SNX8: variants seen among roughly 807,000 people sequenced by gnomAD.
SNX8 encodes sorting nexin 8.
SNX8 carries 25 observed loss-of-function variants against 51.6 expected under a neutral mutation model. The ratio of observed to expected loss-of-function variants is 0.48; its 90% CI spans 0.35 to 0.68. SNX8 has a LOEUF of 0.68. SNX8 is among the 30% of genes least tolerant of loss of function. The pLI is 0.00. For missense variants in SNX8, 695 were observed against 624.0 expected (o/e 1.11, Z -1.21); for synonymous variants, 324 against 277.0 (o/e 1.17, Z -1.68).
At chr7:2,346,985 T>G (rs1319791668) in intron 1 of SNX8, among the ~76,000 whole-genome samples, 2 of 150,458 alleles carry the variant, frequency 1.3e-5, no homozygotes, top group Non-Finnish European at 3.0e-5. Context: ...TTCCTGTCCA[T>G]GCCTCACTCC....
At chr7:2,262,748 C>T (rs1256666000) in intron 7 of SNX8, among the ~76,000 whole-genome samples, 1 of 152,250 alleles carries the variant, frequency 6.6e-6, no homozygotes, top group Non-Finnish European at 1.5e-5. Flanking sequence ...AGCGTAAACG[C>T]TCCCAGGGAG....
rs144138619 is a variant in SNX8, at chr7:2,279,444, G to A, written c.95-1139C>T. On this transcript the variant is annotated intron_variant, in intron 1 of 10. Transcript: ENST00000222990. Reference sequence around the variant, plus strand: ...GCTACAGAGTCGACGCTGCGGGCACGTCCTTTTGTTCAAAAAAATCATGGT... The same window carrying A: ...GCTACAGAGTCGACGCTGCGGGCACATCCTTTTGTTCAAAAAAATCATGGT... Among the ~76,000 whole-genome samples the A allele has an allele frequency of 2.0e-4, 30 of 152,160 alleles. No homozygotes were observed. The East Asian group carries it at 4.8e-3, about 24-fold the overall frequency.
chr7:2,258,658 G>C (rs1795257681), intron 7 of SNX8, among the ~76,000 whole-genome samples: 1 of 152,210 alleles, frequency 6.6e-6, no homozygotes, highest in Non-Finnish European at 1.5e-5. Flanking sequence ...GCGCAGGGTA[G>C]GTAGGAGAGA....
chr7:2,304,530 C>G (rs1163289634), intron 1 of SNX8, among the ~76,000 whole-genome samples: 3 of 151,154 alleles, frequency 2.0e-5, no homozygotes, highest in Admixed American at 2.0e-4. Context: ...GGCGACAGAG[C>G]GAGACTCCAT....
chr7:2,303,378 G>A (rs1158216272), intron 1 of SNX8, among the ~76,000 whole-genome samples: 1 of 151,674 alleles, frequency 6.6e-6, no homozygotes, highest in Non-Finnish European at 1.5e-5. Flanking sequence ...TGGGAGGTGA[G>A]GGGCGCCTCT....
At chr7:2,300,508 G>T (rs1040728725) in intron 1 of SNX8, among the ~76,000 whole-genome samples, 1 of 152,072 alleles carries the variant, frequency 6.6e-6, no homozygotes, top group Non-Finnish European at 1.5e-5. Context: ...AGTCTCTTGG[G>T]CTCAAGCGAT....
chr7:2,268,473 G>T (rs1795544241), intron 5 of SNX8, among the ~76,000 whole-genome samples: 1 of 139,860 alleles, frequency 7.2e-6, no homozygotes, highest in African/African-American at 2.7e-5. Flanking sequence ...CCCCCGCCCG[G>T]CCAGCCGCCC....
At chr7:2,339,403 G>A (rs1354488995) in intron 1 of SNX8, among the ~76,000 whole-genome samples, 2 of 151,068 alleles carry the variant, frequency 1.3e-5, no homozygotes, top group African/African-American at 4.9e-5. Flanking sequence ...TAGAGATGGG[G>A]TTTCACCATG....
chr7:2,257,090 C>T, intron 9 of SNX8, 67 bp from the exon 10 acceptor site: 2 of 1,489,130 alleles, frequency 1.3e-6, no homozygotes, highest in Non-Finnish European at 1.8e-6. Context: ...GGCCCGAACA[C>T]CAGCGTGCTC....
intron 1 of SNX8, among the ~76,000 whole-genome samples, chr7:2,323,802 C>T (rs915526681): frequency 6.6e-5 from 10 of 152,166 alleles, no homozygotes; most frequent in Non-Finnish European, 1.3e-4. Flanking sequence ...ACTGAGTCTT[C>T]TTGGTTTTTT....
chr7:2,284,816 T>C (rs1163923826), intron 1 of SNX8, among the ~76,000 whole-genome samples: 2 of 152,184 alleles, frequency 1.3e-5, no homozygotes, highest in East Asian at 1.9e-4. Context: ...CAATTTTCAA[T>C]GTGAATATTC....
chr7:2,287,181 C>T (rs34219261), intron 1 of SNX8, among the ~76,000 whole-genome samples: 45,084 of 151,100 alleles, frequency 0.3, 7,918 homozygotes, highest in East Asian at 0.59. Context: ...TAGGGTCTCG[C>T]CATGTTGCTC....
intron 1 of SNX8, chr7:2,307,955 A>T (rs1178061089): frequency 6.6e-6 from 1 of 151,804 alleles, no homozygotes; most frequent in Non-Finnish European, 1.5e-5. Flanking sequence ...GCTAACCACA[A>T]ATTCTGGCAA....
At chr7:2,257,097 G>T (rs1562419399) in intron 9 of SNX8, 74 bp from the exon 10 acceptor site, 10 of 1,476,006 alleles carry the variant, frequency 6.8e-6, no homozygotes, top group Non-Finnish European at 9.0e-6. Flanking sequence ...ACACCAGCGT[G>T]CTCCCTGAGC....
intron 10 of SNX8, among the ~76,000 whole-genome samples, chr7:2,256,299 C>G (rs1795176590): frequency 6.6e-6 from 1 of 152,232 alleles, no homozygotes; most frequent in African/African-American, 2.4e-5. Flanking sequence ...CGGTGCCATT[C>G]CACACACACC....
At chr7:2,260,787 G>C (rs752990277) in intron 7 of SNX8, among the ~76,000 whole-genome samples, 1 of 152,198 alleles carries the variant, frequency 6.6e-6, no homozygotes, top group Non-Finnish European at 1.5e-5. Context: ...TCAGGAAACA[G>C]CACTTCTCCA....
intron 1 of SNX8, among the ~76,000 whole-genome samples, chr7:2,285,636 G>A (rs1044158395): frequency 3.3e-5 from 5 of 151,964 alleles, no homozygotes; most frequent in African/African-American, 4.8e-5. Context: ...TAACTACTGC[G>A]CTAACTGCCA....
intron 1 of SNX8, among the ~76,000 whole-genome samples, chr7:2,331,977 G>A (rs1329104332): frequency 6.6e-6 from 1 of 152,038 alleles, no homozygotes; most frequent in African/African-American, 2.4e-5. Context: ...AAGGAAGGCA[G>A]GAGGATGGCT....
intron 1 of SNX8, among the ~76,000 whole-genome samples, chr7:2,313,073 G>A (rs899953774): frequency 1.3e-5 from 2 of 151,558 alleles, no homozygotes; most frequent in African/African-American, 4.8e-5. Context: ...AATTTTTTTT[G>A]TATTTTTAGT....
Sources: allele counts gnomAD v4.1 joint callset (sites outside exome capture counted in the v4.1 genomes callset), GRCh38; gene constraint gnomAD v4.1.1; transcripts MANE v1.5; gene names NCBI Gene and HGNC (gene_info 2026-07-23, HGNC 2026-07-21).